Variants in ALK observed in about 807,000 individuals in gnomAD.
The protein encoded by ALK is ALK receptor tyrosine kinase.
Under a neutral mutation model 163.1 loss-of-function variants are expected in ALK, and 74 were observed. The observed-to-expected ratio is 0.45, with a 90% CI of 0.38 to 0.55. The LOEUF is 0.55. Among genes scored for constraint, ALK ranks in the 20% least tolerant of loss-of-function variants. ALK has a pLI of 0.00. For missense variants in ALK, 2,063 were observed against 2,105.3 expected, an observed-to-expected ratio of 0.98 and a Z score of 0.39; for synonymous variants, 960 against 843.2, an observed-to-expected ratio of 1.14 and a Z score of -2.40.
chr2:29,214,172 G>T, intron 23 of ALK, 91 bp from the exon 24 acceptor site: 1 of 1,099,038 alleles, frequency 9.1e-7, no homozygotes, highest in Middle Eastern at 2.7e-4. Context: ...TCACAAGGAG[G>T]CAGACCGTGA....
chr2:29,429,868 TGATA>T (rs1670232313), intron 4 of ALK, among the ~76,000 whole-genome samples: 1 of 152,166 alleles, frequency 6.6e-6, no homozygotes, highest in African/African-American at 2.4e-5. Flanking sequence ...GCTGGCATAA[TGATA>T]GACACACAGA....
chr2:29,610,443 C>G (rs1442087310), intron 3 of ALK, among the ~76,000 whole-genome samples: 1 of 152,096 alleles, frequency 6.6e-6, no homozygotes, highest in East Asian at 1.9e-4. Context: ...GGGTTTCATT[C>G]GTCTTAAATG....
intron 1 of ALK, among the ~76,000 whole-genome samples, chr2:29,746,404 G>A (rs746202486): frequency 1.2e-4 from 19 of 152,348 alleles, no homozygotes; most frequent in Admixed American, 2.6e-4. Context: ...GCTGGTGACA[G>A]GTACCCAAAT....
chr2:29,810,185 G>C (rs1301285749), intron 1 of ALK, among the ~76,000 whole-genome samples: 1 of 152,122 alleles, frequency 6.6e-6, no homozygotes, highest in Non-Finnish European at 1.5e-5. Context: ...ACTTTGGGAG[G>C]CCAAGGCGGG....
intron 1 of ALK, among the ~76,000 whole-genome samples, chr2:29,837,665 T>A (rs1386722990): frequency 6.6e-6 from 1 of 152,176 alleles, no homozygotes; most frequent in Non-Finnish European, 1.5e-5. Flanking sequence ...CTTTAAAAGC[T>A]TAAAAGCAAG....
rs530843429 is a variant in ALK at position 29,361,999 on chromosome 2, G to T, written c.1282+21733C>A. Among the ~76,000 whole-genome samples the T allele has an allele frequency of 4.3e-4, 66 of 152,312 alleles. No individual in the cohort carries two copies. The Middle Eastern group carries it at 0.01, about 24-fold the overall frequency. On this transcript the variant is annotated intron_variant, in intron 5 of 28. Transcript: ENST00000389048. ...GCCCCAAGTAATGGGAAATTAGGGA[G>T]AGAAGGATGGAGAAAGGACACAAAG...
At chr2:29,906,035 C>T (rs1280407898) in intron 1 of ALK, among the ~76,000 whole-genome samples, 1 of 152,122 alleles carries the variant, frequency 6.6e-6, no homozygotes, top group Non-Finnish European at 1.5e-5. Flanking sequence ...TGCAACAACA[C>T]AGGTTTCCCA....
rs1341221198 is a variant in ALK at position 29,584,276 on chromosome 2, A to G, written c.953-52160T>C. 3.9e-5 allele frequency among the ~76,000 whole-genome samples: 6 copies of G among 152,352 alleles called. No individual in the cohort carries two copies. In the South Asian group the frequency reaches 1.2e-3, roughly 32 times the overall value. On this transcript the variant is annotated intron_variant, in intron 3 of 28. Coordinates refer to ENST00000389048, the MANE Select transcript of ALK (RefSeq NM_004304.5). ...ACCCTCCTCATTTATTACTTGTTAA[A>G]CGATGTTCCCCTAATTTTAAAGGCA...
chr2:29,834,314 T>C (rs1452367902), intron 1 of ALK, among the ~76,000 whole-genome samples: 1 of 152,232 alleles, frequency 6.6e-6, no homozygotes, highest in Admixed American at 6.5e-5. Context: ...AAAATTCAGC[T>C]GATTTTGCCA....
intron 23 of ALK, among the ~76,000 whole-genome samples, chr2:29,215,069 C>A (rs919832848): frequency 1.3e-5 from 2 of 152,220 alleles, no homozygotes; most frequent in African/African-American, 4.8e-5. Context: ...TCAAATCAAT[C>A]CCCTTTAGGG....
At chr2:29,206,561 C>T (rs770633932) in intron 26 of ALK, among the ~76,000 whole-genome samples, 10 of 152,086 alleles carry the variant, frequency 6.6e-5, no homozygotes, top group African/African-American at 1.2e-4. Context: ...CATGAGCAAC[C>T]GTGCCTGGCC....
intron 3 of ALK, among the ~76,000 whole-genome samples, chr2:29,547,575 C>G (rs139284646): frequency 0.01 from 1,586 of 152,286 alleles, 21 homozygotes; most frequent in African/African-American, 0.034. Flanking sequence ...CTAGCCTGGG[C>G]AACAGAGTGA....
chr2:29,875,589 CT>C (rs1404963528), intron 1 of ALK, among the ~76,000 whole-genome samples: 2 of 152,098 alleles, frequency 1.3e-5, no homozygotes, highest in Non-Finnish European at 2.9e-5. Flanking sequence ...TCCTTGTCCC[CT>C]ACCCCCGACA....
At chr2:29,658,296 A>G (rs942760896) in intron 3 of ALK, among the ~76,000 whole-genome samples, 2 of 152,122 alleles carry the variant, frequency 1.3e-5, no homozygotes, top group Non-Finnish European at 2.9e-5. Flanking sequence ...TCTCTCACTG[A>G]TCAGCTTGGA....
intron 3 of ALK, among the ~76,000 whole-genome samples, chr2:29,550,371 C>T (rs770462496): frequency 3.9e-5 from 6 of 152,142 alleles, no homozygotes. Context: ...AGAGCCTTTC[C>T]CTGGACCTTG....
chr2:29,202,997 C>T (rs1239206161), intron 26 of ALK, among the ~76,000 whole-genome samples: 1 of 152,166 alleles, frequency 6.6e-6, no homozygotes, highest in African/African-American at 2.4e-5. Flanking sequence ...TATTCTCTGT[C>T]TCTGGATCCC....
intron 1 of ALK, among the ~76,000 whole-genome samples, chr2:29,907,677 G>A (rs551452816): frequency 5.3e-5 from 8 of 151,816 alleles, no homozygotes; most frequent in South Asian, 2.1e-4. Flanking sequence ...CTCTCTCTAC[G>A]TCCTCTGGAA....
intron 26 of ALK, among the ~76,000 whole-genome samples, chr2:29,198,561 C>G (rs1205621072): frequency 6.6e-6 from 1 of 152,134 alleles, no homozygotes. Context: ...AGTAAAATAA[C>G]TAGATCAAAA....
At chr2:29,478,687 G>A (rs4473344) in intron 4 of ALK, among the ~76,000 whole-genome samples, 75,596 of 152,104 alleles carry the variant, frequency 0.5, 20,063 homozygotes, top group South Asian at 0.62. Context: ...TCAACGATGA[G>A]CATGGACATA....
Sources: allele counts gnomAD v4.1 joint callset (sites outside exome capture counted in the v4.1 genomes callset), GRCh38; gene constraint gnomAD v4.1.1; transcripts MANE v1.5; gene names NCBI Gene and HGNC (gene_info 2026-07-23, HGNC 2026-07-21).